MSRA: variants seen among roughly 807,000 people sequenced by gnomAD.
MSRA encodes the protein methionine sulfoxide reductase A, also known as mitochondrial peptide methionine sulfoxide reductase.
MSRA carries 54 observed loss-of-function variants against 31.3 expected under a neutral mutation model. The ratio of observed to expected loss-of-function variants is 1.73; its 90% confidence interval spans 1.39 to 2.17. MSRA has a LOEUF of 2.17. Ranked by LOEUF, MSRA falls within the 30% of genes most tolerant of loss-of-function variation. MSRA has a pLI of 0.00. For synonymous variants in MSRA, 169 were observed against 116.5 expected, an observed-to-expected ratio of 1.45 and a Z score of -2.90; for missense variants, 507 against 300.9, an observed-to-expected ratio of 1.69 and a Z score of -5.07.
chr8:10,190,402 C>G (rs1165879441), intron 1 of MSRA, among the ~76,000 whole-genome samples: 1 of 152,208 alleles, frequency 6.6e-6, no homozygotes, highest in Non-Finnish European at 1.5e-5. Context: ...CCTCCTGCCC[C>G]CGTCAGTGCC....
At position 10,067,144 on chromosome 8, in the gene MSRA, A is replaced by T. The variant is rs189182636; in HGVS notation, c.142+12486A>T. Among the ~76,000 whole-genome samples the T allele has an allele frequency of 1.4e-3, 216 of 152,308 alleles. 2 individuals carry two copies. The highest frequency in any genetic ancestry group is 4.0e-3 in the African/African-American group (167 of 41,566). On this transcript the variant is annotated intron_variant, in intron 1 of 5. Coordinates refer to ENST00000317173, the MANE Select transcript of MSRA (RefSeq NM_012331.5). ...CAGAACAGAATGCCTTCACTGCCTT[A>T]AAAGTCCTCTGTGCTTTACCTATTT...
At chr8:10,381,876 C>G (rs1169658018) in intron 5 of MSRA, among the ~76,000 whole-genome samples, 2 of 152,182 alleles carry the variant, frequency 1.3e-5, no homozygotes, top group Admixed American at 1.3e-4. Context: ...GATCTGTTCC[C>G]TGCCCCACCT....
chr8:10,177,392 T>A (rs536512957), intron 1 of MSRA, among the ~76,000 whole-genome samples: 1 of 152,376 alleles, frequency 6.6e-6, no homozygotes, highest in South Asian at 2.1e-4. Context: ...ATGCTTATGG[T>A]ATGGCATCCT....
chr8:10,255,784 T>A (rs1798144627), intron 3 of MSRA, among the ~76,000 whole-genome samples: 1 of 145,440 alleles, frequency 6.9e-6, no homozygotes, highest in Non-Finnish European at 1.5e-5. Flanking sequence ...GTGGGGGCAT[T>A]GGGAGGCTGC....
intron 2 of MSRA, among the ~76,000 whole-genome samples, chr8:10,244,191 A>G (rs146741013): frequency 1.7e-3 from 264 of 152,342 alleles, no homozygotes; most frequent in African/African-American, 6.1e-3. Flanking sequence ...ATAAAGCCAT[A>G]TAAAATTTGA....
At chr8:10,384,852 A>G (rs1243065822) in intron 5 of MSRA, among the ~76,000 whole-genome samples, 10 of 152,268 alleles carry the variant, frequency 6.6e-5, no homozygotes, top group Admixed American at 6.5e-5. Flanking sequence ...TCCAAAAAAA[A>G]TTAGCTGGGT....
At chr8:10,113,292 C>CTTTTTTTTTTTTTTTTTTTTTTTTGTTT in intron 1 of MSRA, among the ~76,000 whole-genome samples, 1 of 57,596 alleles carries the variant, frequency 1.7e-5, no homozygotes, top group African/African-American at 7.8e-5. Flanking sequence ...GACAGGTCTT[C>CTTTTTTTTTTTTTTTTTTTTTTTTGTTT]TTTTTTTTTT....
At chr8:10,304,641 A>G (rs2129127416) in intron 4 of MSRA, among the ~76,000 whole-genome samples, 1 of 152,296 alleles carries the variant, frequency 6.6e-6, no homozygotes, top group Non-Finnish European at 1.5e-5. Context: ...CTACAAATGA[A>G]CTTGGCTATC....
At chr8:10,307,955 G>A (rs187059174) in intron 4 of MSRA, among the ~76,000 whole-genome samples, 17 of 152,326 alleles carry the variant, frequency 1.1e-4, no homozygotes, top group South Asian at 4.1e-4. Flanking sequence ...AAGTGACAGC[G>A]TGCAGCTTCT....
chr8:10,137,217 G>A (rs529943445), intron 1 of MSRA, among the ~76,000 whole-genome samples: 135 of 152,140 alleles, frequency 8.9e-4, no homozygotes, highest in Non-Finnish European at 1.3e-3. Context: ...TTCAAAAATA[G>A]CATTTCTGCT....
At chr8:10,363,350 G>A (rs762313069) in intron 5 of MSRA, among the ~76,000 whole-genome samples, 3 of 152,094 alleles carry the variant, frequency 2.0e-5, no homozygotes, top group Admixed American at 6.6e-5. Context: ...TATTCCTTCC[G>A]TGACTCACAG....
chr8:10,316,469 T>C (rs2129135325), intron 4 of MSRA, among the ~76,000 whole-genome samples: 1 of 148,716 alleles, frequency 6.7e-6, no homozygotes, highest in African/African-American at 2.5e-5. Flanking sequence ...AATAACGTAG[T>C]AAAGCACAGT....
intron 2 of MSRA, among the ~76,000 whole-genome samples, chr8:10,212,343 T>G (rs746715567): frequency 6.6e-6 from 1 of 152,178 alleles, no homozygotes; most frequent in East Asian, 1.9e-4. Flanking sequence ...TAGGATATAA[T>G]GTCCCCCTTT....
At chr8:10,352,834 A>G (rs1193107993) in intron 5 of MSRA, among the ~76,000 whole-genome samples, 1 of 152,124 alleles carries the variant, frequency 6.6e-6, no homozygotes. Context: ...AGTCAACAAC[A>G]ACCGGGGGAG....
intron 1 of MSRA, among the ~76,000 whole-genome samples, chr8:10,130,354 C>T (rs1021931759): frequency 2.6e-5 from 4 of 152,174 alleles, no homozygotes; most frequent in Admixed American, 1.3e-4. Flanking sequence ...TGGTATTACT[C>T]GGTGAGAATG....
intron 3 of MSRA, among the ~76,000 whole-genome samples, chr8:10,284,407 T>C (rs1178433529): frequency 1.3e-5 from 2 of 152,130 alleles, no homozygotes; most frequent in African/African-American, 4.8e-5. Flanking sequence ...TTAGCCAGGC[T>C]GGACTCAAAC....
At position 10,231,574 on chromosome 8, in the gene MSRA, T is replaced by A. The variant is rs1471651786; in HGVS notation, c.212-13530T>A. ...TTAAGTCATTCTCAGATGGATGATATGTGGTTTGAACTATATAGAAAGAGG... is the reference window on the plus strand; with the variant it reads ...TTAAGTCATTCTCAGATGGATGATAAGTGGTTTGAACTATATAGAAAGAGG... On this transcript the variant is annotated intron_variant, in intron 2 of 5. Transcript: ENST00000317173. Among the ~76,000 whole-genome samples the A allele has an allele frequency of 3.9e-5, 6 of 152,192 alleles. No homozygotes were observed. The East Asian group carries it at 1.2e-3, about 29-fold the overall frequency.
chr8:10,154,519 A>G (rs1290024494), intron 1 of MSRA, among the ~76,000 whole-genome samples: 1 of 152,040 alleles, frequency 6.6e-6, no homozygotes, highest in Admixed American at 6.6e-5. Context: ...CTGGTACTAC[A>G]GGCACCCGCC....
chr8:10,310,741 T>C (rs1801389974), intron 4 of MSRA, among the ~76,000 whole-genome samples: 1 of 152,236 alleles, frequency 6.6e-6, no homozygotes, highest in South Asian at 2.1e-4. Context: ...GAATTCGGAC[T>C]TCAGGGCTAA....
Sources: allele counts gnomAD v4.1 joint callset (sites outside exome capture counted in the v4.1 genomes callset), GRCh38; gene constraint gnomAD v4.1.1; transcripts MANE v1.5; gene names NCBI Gene and HGNC (gene_info 2026-07-23, HGNC 2026-07-21).